CLEC16A: variants seen among roughly 807,000 people sequenced by gnomAD.
CLEC16A encodes the protein protein CLEC16A.
In CLEC16A, 51 loss-of-function variants were observed where a neutral mutation model predicts 109.5. The ratio of observed to expected loss-of-function variants is 0.47; its 90% CI spans 0.37 to 0.59. CLEC16A has a LOEUF of 0.59. Ranked by LOEUF, CLEC16A falls within the 20% of genes least tolerant of loss-of-function variation. The pLI is 0.00. For synonymous variants in CLEC16A, 673 were observed against 564.2 expected (o/e 1.19, Z -2.73); for missense variants, 1,339 against 1,394.0 (o/e 0.96, Z 0.63).
Position 11,079,932 on chromosome 16 carries a change from G to A in CLEC16A, c.2116+18910G>A, listed in dbSNP as rs530469399. 1.9e-4 allele frequency among the ~76,000 whole-genome samples: 29 copies of A among 152,296 alleles called. No individual in the cohort carries two copies. The East Asian group carries it at 5.4e-3, about 28-fold the overall frequency. On this transcript the variant is annotated intron_variant, in intron 19 of 23. Transcript: ENST00000409790. ...AGTCCCAAGCAGTGTCTAGCAGAAG[G>A]TTCCAGACTAGATTGATGCAGCCCC...
rs34729335 is a variant in CLEC16A, at chr16:11,107,246, A to AT, written c.2117-13358dup. Among the ~76,000 whole-genome samples the AT allele has an allele frequency of 5.9e-4, 88 of 149,528 alleles. 1 individual carries two copies. The South Asian group carries it at 0.012, about 21-fold the overall frequency. ...CAAATCCCAGAAATGCCACCAGTAC[A>AT]TTTTTTTTTTTCCTCTTCATGTTAG... is the stretch of plus-strand genomic sequence containing the variant. On this transcript the variant is annotated intron_variant, in intron 19 of 23. Coordinates refer to ENST00000409790, the MANE Select transcript of CLEC16A (RefSeq NM_015226.3).
At chr16:11,123,238 G>T (rs997395111) in intron 20 of CLEC16A, among the ~76,000 whole-genome samples, 3 of 152,112 alleles carry the variant, frequency 2.0e-5, no homozygotes. Context: ...TCCCTTTGGG[G>T]ACCAGAAGTT....
intron 22 of CLEC16A, among the ~76,000 whole-genome samples, chr16:11,150,606 C>T (rs950986344): frequency 2.1e-4 from 32 of 152,330 alleles, no homozygotes; most frequent in African/African-American, 7.7e-4. Flanking sequence ...GAAGCACTTC[C>T]CTGTACTGTA....
chr16:11,050,098 CAGCAT>C (rs2047859029), intron 17 of CLEC16A, among the ~76,000 whole-genome samples: 1 of 152,194 alleles, frequency 6.6e-6, no homozygotes, highest in African/African-American at 2.4e-5. Context: ...TATCAGGTGC[CAGCAT>C]TTGGCGACGG....
intron 23 of CLEC16A, among the ~76,000 whole-genome samples, chr16:11,169,639 T>C (rs993770442): frequency 6.6e-6 from 1 of 152,224 alleles, no homozygotes; most frequent in Non-Finnish European, 1.5e-5. Context: ...GTACACAAGA[T>C]ATGCCATCCC....
At chr16:11,001,648 A>G (rs945361971) in intron 10 of CLEC16A, among the ~76,000 whole-genome samples, 2 of 152,042 alleles carry the variant, frequency 1.3e-5, no homozygotes, top group African/African-American at 4.8e-5. Context: ...TGAAGCATGA[A>G]CCACAGTTGA....
chr16:11,106,992 TAGG>T lies in CLEC16A; in HGVS notation c.2117-13620_2117-13618del, dbSNP rs2051263445. Reference sequence around the variant, plus strand: ...GTGGGGAAGTGGAGCTGGAATGTGTTAGGAGAACACAAGAGTTTTCTTAACAGT... The same window carrying T: ...GTGGGGAAGTGGAGCTGGAATGTGTTAGAACACAAGAGTTTTCTTAACAGT... On this transcript the variant is annotated intron_variant, in intron 19 of 23. Transcript: ENST00000409790. Among the ~76,000 whole-genome samples the T allele has an allele frequency of 4.6e-5, 7 of 152,188 alleles. No individual in the cohort carries two copies. The South Asian group carries it at 1.5e-3, about 32-fold the overall frequency.
intron 22 of CLEC16A, among the ~76,000 whole-genome samples, chr16:11,132,242 C>G (rs1353953991): frequency 7.1e-6 from 1 of 140,572 alleles, no homozygotes; most frequent in Non-Finnish European, 1.6e-5. Flanking sequence ...CCACCCCCCC[C>G]GCCCCCGCCC....
At chr16:11,175,884 G>T (rs570418646) in intron 23 of CLEC16A, among the ~76,000 whole-genome samples, 1 of 152,230 alleles carries the variant, frequency 6.6e-6, no homozygotes, top group Non-Finnish European at 1.5e-5. Flanking sequence ...ATATCTGCAT[G>T]CAAATGCAGA....
At position 11,047,339 on chromosome 16, in the gene CLEC16A, G is replaced by A; in HGVS notation, c.1863G>A (p.Met621Ile). ...LDMFEDEYRSMTMKPMNVEYL... is the reference protein window; with the variant it reads ...LDMFEDEYRSITMKPMNVEYL... ...TGTTTGAAGATGAGTATAGGAGCAT[G>A]ACAGTAAGTGAGGGGCTGGGACACA... is the stretch of plus-strand genomic sequence containing the variant. The change falls in exon 17 of 24, where the codon ATG becomes ATA. Residue 621 changes from methionine to isoleucine, a missense_variant. Met to Ile is a conservative substitution (Grantham distance 10, BLOSUM62 1). Transcript: ENST00000409790. The A allele has an allele frequency of 6.2e-7, 1 of 1,607,682 alleles. No homozygotes were observed. Among genetic ancestry groups the A allele is most frequent in the Non-Finnish European group, 8.5e-7 (1 of 1,177,246 alleles).
Position 11,042,316 on chromosome 16 carries a change from A to G in CLEC16A, c.1723A>G (p.Met575Val). 6.3e-7 allele frequency: 1 copy of G among 1,594,366 alleles called. No homozygotes were observed. The highest frequency in any genetic ancestry group is 8.5e-7 in the Non-Finnish European group (1 of 1,170,862). Residue 575 changes from methionine to valine, a missense_variant, in exon 15 of 24, where the codon ATG (methionine) becomes GTG (valine). This residue lies in a region of CLEC16A where 1,061 missense variants were observed against 1,006.8 expected (regional missense o/e 1.05). Transcript: ENST00000409790. ...SCLLLKQQVLMSAGCIMKDVH... is the reference protein window; with the variant it reads ...SCLLLKQQVLVSAGCIMKDVH... Reference sequence around the variant, plus strand: ...CCTGCTTCTGAAGCAGCAAGTCCTGATGAGTGCTGGCTGCATCATGAAGGA... The same window carrying G: ...CCTGCTTCTGAAGCAGCAAGTCCTGGTGAGTGCTGGCTGCATCATGAAGGA...
At chr16:11,142,002 G>A (rs181464175) in intron 22 of CLEC16A, among the ~76,000 whole-genome samples, 8 of 152,226 alleles carry the variant, frequency 5.3e-5, no homozygotes, top group Middle Eastern at 3.4e-3. Flanking sequence ...TAAATGACTC[G>A]GGCACTGGGG....
At chr16:11,120,906 G>T in intron 20 of CLEC16A, 140 bp downstream of exon 20, 3 of 946,332 alleles carry the variant, frequency 3.2e-6, no homozygotes, top group Non-Finnish European at 4.1e-6. Flanking sequence ...TGAACAAATT[G>T]TCACCCAAAA....
intron 18 of CLEC16A, among the ~76,000 whole-genome samples, chr16:11,056,383 T>C (rs1274225339): frequency 2.0e-5 from 3 of 152,184 alleles, no homozygotes; most frequent in Non-Finnish European, 4.4e-5. Context: ...AAGCATTGTC[T>C]GAACAGAGAT....
chr16:10,969,779 G>A (rs2042693410), intron 4 of CLEC16A, among the ~76,000 whole-genome samples: 2 of 152,152 alleles, frequency 1.3e-5, no homozygotes, highest in African/African-American at 4.8e-5. Context: ...AGTCAGGGCT[G>A]GTTTTGTCAC....
At chr16:11,120,839 C>CAT in intron 20 of CLEC16A, 73 bp downstream of exon 20, 2 of 966,096 alleles carry the variant, frequency 2.1e-6, no homozygotes, top group South Asian at 3.0e-5. Flanking sequence ...CACACACACA[C>CAT]CACACACAAT....
At chr16:11,149,845 C>T in intron 22 of CLEC16A, 1 of 152,106 alleles carries the variant, frequency 6.6e-6, no homozygotes. Flanking sequence ...TCAGTTACCA[C>T]CCTTCCTCAG....
intron 10 of CLEC16A, among the ~76,000 whole-genome samples, chr16:10,997,241 C>T (rs1472323107): frequency 2.0e-5 from 3 of 152,240 alleles, no homozygotes; most frequent in Non-Finnish European, 2.9e-5. Context: ...GGATTACAGG[C>T]ATGAGCCACT....
At chr16:10,945,270 G>A (rs1288478777) in intron 1 of CLEC16A, among the ~76,000 whole-genome samples, 1 of 152,188 alleles carries the variant, frequency 6.6e-6, no homozygotes, top group Non-Finnish European at 1.5e-5. Flanking sequence ...CTATTGTGTT[G>A]AGAGTTGGTT....
Sources: allele counts gnomAD v4.1 joint callset (sites outside exome capture counted in the v4.1 genomes callset), GRCh38; gene constraint gnomAD v4.1.1; regional missense constraint gnomAD v4.1.1; transcripts MANE v1.5; gene names NCBI Gene and HGNC (gene_info 2026-07-23, HGNC 2026-07-21).